Variants in GNAQ observed in about 807,000 individuals in gnomAD.
GNAQ encodes guanine nucleotide-binding protein G(q) subunit alpha.
Under a neutral mutation model 43.9 loss-of-function variants are expected in GNAQ, and 8 were observed. That is an observed-to-expected ratio of 0.18 (90% CI 0.11 to 0.33). The LOEUF (loss-of-function observed/expected upper bound fraction) is 0.33. GNAQ is among the 10% of genes least tolerant of loss of function. The pLI is 1.00. For missense variants in GNAQ, 158 were observed against 450.8 expected (o/e 0.35, Z 5.88); for synonymous variants, 155 against 170.7 (o/e 0.91, Z 0.71).
chr9:77,830,116 C>A (rs1260074780), intron 2 of GNAQ, among the ~76,000 whole-genome samples: 5 of 152,120 alleles, frequency 3.3e-5, no homozygotes, highest in Admixed American at 2.0e-4. Flanking sequence ...CCATGGCTGA[C>A]TAATTTCTGA....
intron 1 of GNAQ, among the ~76,000 whole-genome samples, chr9:77,968,391 A>C (rs991627464): frequency 6.6e-6 from 1 of 152,220 alleles, no homozygotes; most frequent in African/African-American, 2.4e-5. Flanking sequence ...AGGAATCAAA[A>C]ACTAAAGATT....
At chr9:77,741,570 G>GCAAT (rs1825655252) in intron 5 of GNAQ, among the ~76,000 whole-genome samples, 1 of 152,122 alleles carries the variant, frequency 6.6e-6, no homozygotes, top group Non-Finnish European at 1.5e-5. Flanking sequence ...CACAGGAAAG[G>GCAAT]CAATCAGTGT....
chr9:77,950,487 C>T (rs2118378973), intron 1 of GNAQ, among the ~76,000 whole-genome samples: 1 of 152,348 alleles, frequency 6.6e-6, no homozygotes, highest in South Asian at 2.1e-4. Flanking sequence ...ATGCTCGTTT[C>T]TGCAACCTAT....
intron 5 of GNAQ, among the ~76,000 whole-genome samples, chr9:77,762,156 G>C (rs1387222282): frequency 7.7e-6 from 1 of 129,298 alleles, no homozygotes; most frequent in African/African-American, 2.9e-5. Context: ...CAGCCGCCCC[G>C]TCCGGGAGGT....
intron 5 of GNAQ, among the ~76,000 whole-genome samples, chr9:77,745,155 C>A (rs1247415769): frequency 6.6e-6 from 1 of 152,024 alleles, no homozygotes; most frequent in Non-Finnish European, 1.5e-5. Context: ...AGGGAAAAGT[C>A]GAGTAGGCAC....
At chr9:77,860,486 T>C (rs537890966) in intron 2 of GNAQ, among the ~76,000 whole-genome samples, 1 of 152,192 alleles carries the variant, frequency 6.6e-6, no homozygotes, top group East Asian at 1.9e-4. Flanking sequence ...GGGGGATTGT[T>C]TGGGGATGAA....
chr9:77,848,763 T>C (rs1387815285), intron 2 of GNAQ, among the ~76,000 whole-genome samples: 1 of 152,204 alleles, frequency 6.6e-6, no homozygotes, highest in East Asian at 1.9e-4. Context: ...GCATGGCTTC[T>C]GGCTTCCCTA....
chr9:77,817,700 C>G (rs927906552), intron 2 of GNAQ, among the ~76,000 whole-genome samples: 7 of 152,196 alleles, frequency 4.6e-5, no homozygotes, highest in Non-Finnish European at 5.9e-5. Flanking sequence ...TCTGGGAGCA[C>G]CCAGTACCAC....
intron 2 of GNAQ, among the ~76,000 whole-genome samples, chr9:77,916,175 T>C (rs765212013): frequency 2.7e-4 from 41 of 152,230 alleles, no homozygotes; most frequent in Non-Finnish European, 5.3e-4. Flanking sequence ...CATTTTCAGA[T>C]AAATTCATTT....
At chr9:77,854,182 T>C (rs1244882269) in intron 2 of GNAQ, among the ~76,000 whole-genome samples, 1 of 152,178 alleles carries the variant, frequency 6.6e-6, no homozygotes, top group Non-Finnish European at 1.5e-5. Flanking sequence ...AAGTACTCTT[T>C]TTGGTTTTTT....
At chr9:77,819,503 T>C (rs1321620483) in intron 2 of GNAQ, among the ~76,000 whole-genome samples, 1 of 152,142 alleles carries the variant, frequency 6.6e-6, no homozygotes, top group Non-Finnish European at 1.5e-5. Context: ...GGCTTTAGAC[T>C]GGAATGTCAC....
intron 5 of GNAQ, among the ~76,000 whole-genome samples, chr9:77,764,430 C>G (rs749390214): frequency 1.4e-4 from 21 of 151,874 alleles, no homozygotes; most frequent in Non-Finnish European, 2.8e-4. Flanking sequence ...AAGCTGGACT[C>G]TAGCATACTC....
intron 2 of GNAQ, among the ~76,000 whole-genome samples, chr9:77,826,963 G>T (rs756450542): frequency 1.3e-5 from 2 of 151,948 alleles, no homozygotes; most frequent in African/African-American, 4.8e-5. Context: ...TCATTTCTAC[G>T]GTTCTTACCA....
At chr9:77,765,427 A>G (rs563508888) in intron 5 of GNAQ, among the ~76,000 whole-genome samples, 1 of 152,364 alleles carries the variant, frequency 6.6e-6, no homozygotes, top group East Asian at 1.9e-4. Context: ...GAGCAACAAC[A>G]AAAAACTACC....
At chr9:78,020,828 T>G (rs1003426835) in intron 1 of GNAQ, among the ~76,000 whole-genome samples, 2 of 152,078 alleles carry the variant, frequency 1.3e-5, no homozygotes, top group Non-Finnish European at 1.5e-5. Context: ...ACTGCAAATG[T>G]GAGGTCAAGG....
intron 2 of GNAQ, among the ~76,000 whole-genome samples, chr9:77,831,896 A>C (rs1236785009): frequency 6.6e-6 from 1 of 152,184 alleles, no homozygotes; most frequent in Admixed American, 6.5e-5. Context: ...AGACTATCAG[A>C]GTCTCATGTG....
At chr9:77,869,506 T>TA (rs1828001969) in intron 2 of GNAQ, among the ~76,000 whole-genome samples, 1 of 152,242 alleles carries the variant, frequency 6.6e-6, no homozygotes, top group East Asian at 1.9e-4. Flanking sequence ...ATAATTTAGT[T>TA]ACCAGAATTG....
chr9:77,884,640 C>G (rs1828272261), intron 2 of GNAQ, among the ~76,000 whole-genome samples: 1 of 152,134 alleles, frequency 6.6e-6, no homozygotes, highest in African/African-American at 2.4e-5. Context: ...CTGTTGTCAT[C>G]ATTGGTGGCT....
intron 1 of GNAQ, among the ~76,000 whole-genome samples, chr9:78,017,349 T>A (rs1186474043): frequency 2.0e-5 from 3 of 152,196 alleles, no homozygotes; most frequent in African/African-American, 7.2e-5. Flanking sequence ...ACTGTATGAT[T>A]CAAAATGCAC....
Sources: gnomAD v4.1 joint callset for allele counts (sites outside exome capture counted in the v4.1 genomes callset) on GRCh38, gnomAD v4.1.1 for gene constraint, MANE v1.5 for transcripts, NCBI Gene and HGNC (gene_info 2026-07-23, HGNC 2026-07-21) for gene names.